Variants in SNX30 observed in about 807,000 individuals in gnomAD.
The protein encoded by SNX30 is sorting nexin family member 30, also known as sorting nexin-30.
A neutral mutation model predicts 46.4 loss-of-function variants in SNX30; 24 were observed. The ratio of observed to expected loss-of-function variants is 0.52; its 90% confidence interval spans 0.37 to 0.73. The LOEUF is 0.73. Among genes scored for constraint, SNX30 ranks in the 30% least tolerant of loss-of-function variants. SNX30 has a pLI of 0.00. For synonymous variants in SNX30, 189 were observed against 211.5 expected (o/e 0.89, Z 0.92); for missense variants, 533 against 555.7 (o/e 0.96, Z 0.41).
intron 1 of SNX30, among the ~76,000 whole-genome samples, chr9:112,752,325 G>C (rs1438658116): frequency 6.6e-6 from 1 of 152,170 alleles, no homozygotes; most frequent in Non-Finnish European, 1.5e-5. Context: ...AATTAAAAAA[G>C]CTAATGGAGG....
chr9:112,795,253 A>G (rs1840088666), intron 1 of SNX30, among the ~76,000 whole-genome samples: 1 of 152,174 alleles, frequency 6.6e-6, no homozygotes, highest in Non-Finnish European at 1.5e-5. Context: ...AACTGCTTCC[A>G]TATACTAACT....
chr9:112,790,032 G>A (rs987106967), intron 1 of SNX30, among the ~76,000 whole-genome samples: 1 of 152,096 alleles, frequency 6.6e-6, no homozygotes, highest in African/African-American at 2.4e-5. Flanking sequence ...ATAGGCTATG[G>A]GCCTTGGGAA....
At chr9:112,780,419 A>T (rs920661412) in intron 1 of SNX30, among the ~76,000 whole-genome samples, 36 of 152,250 alleles carry the variant, frequency 2.4e-4, no homozygotes, top group Admixed American at 2.6e-4. Context: ...AGAGAGAAAG[A>T]AAGTTGTAAT....
Position 112,836,425 on chromosome 9 carries a change from A to G in SNX30, c.814+16A>G. 6.3e-7 allele frequency: 1 copy of G among 1,581,992 alleles called. No individual in the cohort carries two copies. Among genetic ancestry groups the G allele is most frequent in the Non-Finnish European group, 8.7e-7 (1 of 1,153,808 alleles). On this transcript the variant is annotated intron_variant, in intron 5 of 8. Coordinates refer to ENST00000374232, the MANE Select transcript of SNX30 (RefSeq NM_001012994.2). ...GAAGAAATAGGTGAGCTGTCTGTTGAGGTCTCGATTATGCCCTGCAGCCAC... is the reference window on the plus strand; with the variant it reads ...GAAGAAATAGGTGAGCTGTCTGTTGGGGTCTCGATTATGCCCTGCAGCCAC...
At chr9:112,815,806 A>G (rs765746531) in intron 2 of SNX30, among the ~76,000 whole-genome samples, 7 of 152,218 alleles carry the variant, frequency 4.6e-5, no homozygotes, top group Admixed American at 1.3e-4. Flanking sequence ...CATGGAGCCT[A>G]TCGGGGGGAG....
At chr9:112,786,263 G>A (rs777983698) in intron 1 of SNX30, among the ~76,000 whole-genome samples, 5 of 151,910 alleles carry the variant, frequency 3.3e-5, no homozygotes, top group East Asian at 1.9e-4. Context: ...GACTATAGCC[G>A]TGCACCATCA....
At chr9:112,796,430 C>T (rs575977994) in intron 1 of SNX30, among the ~76,000 whole-genome samples, 71 of 152,242 alleles carry the variant, frequency 4.7e-4, no homozygotes, top group Middle Eastern at 3.4e-3. Flanking sequence ...GTGTGGACGC[C>T]GTGTGTCCCG....
intron 7 of SNX30, among the ~76,000 whole-genome samples, chr9:112,862,031 C>G (rs1300145466): frequency 1.3e-5 from 2 of 152,240 alleles, no homozygotes; most frequent in Admixed American, 6.5e-5. Flanking sequence ...GAGACCCAAG[C>G]ACTTTTGTAT....
chr9:112,832,430 AAGAGAG>A (rs144673731), intron 4 of SNX30, among the ~76,000 whole-genome samples: 5,521 of 78,734 alleles, frequency 0.07, 160 homozygotes, highest in Non-Finnish European at 0.095. Flanking sequence ...ATAAGTAGGA[AAGAGAG>A]AGAGAGAGAG....
Position 112,822,727 on chromosome 9 carries a change from T to G in SNX30, c.459+4912T>G, listed in dbSNP as rs558586133. ...AGACCAAAAATATGACATGGAAAAT[T>G]CCAAAAATAAACAGTTCATAAGTTT... On this transcript the variant is annotated intron_variant, in intron 3 of 8. Transcript: ENST00000374232. Among the ~76,000 whole-genome samples the G allele has an allele frequency of 8.3e-4, 127 of 152,314 alleles. 3 individuals are homozygous for G. In the South Asian group the frequency reaches 0.025, roughly 31 times the overall value.
At position 112,772,609 on chromosome 9, in the gene SNX30, G is replaced by A. The variant is rs371067104; in HGVS notation, c.156+21452G>A. Among the ~76,000 whole-genome samples, 6 of 152,274 alleles carry A rather than the reference G, an allele frequency of 3.9e-5. No individual in the cohort carries two copies. In the East Asian group the frequency reaches 1.2e-3, roughly 29 times the overall value. Reference sequence around the variant, plus strand: ...GACTCTGAAGAACAAGGTAGCCACTGTATTTTGCTTTTCTCAAATCATTCA... The same window carrying A: ...GACTCTGAAGAACAAGGTAGCCACTATATTTTGCTTTTCTCAAATCATTCA... On this transcript the variant is annotated intron_variant, in intron 1 of 8. Coordinates refer to ENST00000374232, the MANE Select transcript of SNX30 (RefSeq NM_001012994.2).
chr9:112,763,736 C>T (rs1839482545), intron 1 of SNX30, among the ~76,000 whole-genome samples: 2 of 151,536 alleles, frequency 1.3e-5, no homozygotes, highest in Admixed American at 1.3e-4. Context: ...GTAATCCCAG[C>T]TACTTGGGAG....
rs1840807432 is a variant in SNX30, at chr9:112,838,660, T to A, written c.977T>A (p.Val326Glu). 2.5e-6 allele frequency: 4 copies of A among 1,614,150 alleles called. No homozygotes were observed. The African/African-American group carries it at 5.3e-5, about 22-fold the overall frequency. ...TDDMTEDFLP[V>E]LREYILYSDS... Reference sequence around the variant, plus strand: ...GACATGACAGAAGACTTCCTACCTGTGCTCAGGGAATATATTTTATACTCT... The same window carrying A: ...GACATGACAGAAGACTTCCTACCTGAGCTCAGGGAATATATTTTATACTCT... The change falls in exon 6 of 9, where the codon GTG becomes GAG. Residue 326 changes from valine (V) to glutamate (E), a missense_variant. Transcript: ENST00000374232.
intron 1 of SNX30, among the ~76,000 whole-genome samples, chr9:112,789,614 G>A (rs1839989513): frequency 6.6e-6 from 1 of 152,218 alleles, no homozygotes; most frequent in African/African-American, 2.4e-5. Flanking sequence ...CAGGAATTGT[G>A]TATGGTAAAT....
intron 1 of SNX30, among the ~76,000 whole-genome samples, chr9:112,771,251 A>G (rs1216405913): frequency 6.6e-6 from 1 of 152,210 alleles, no homozygotes; most frequent in Non-Finnish European, 1.5e-5. Context: ...TGGTGACTCA[A>G]TAAATGGACC....
At chr9:112,783,068 C>T (rs1371012080) in intron 1 of SNX30, among the ~76,000 whole-genome samples, 1 of 152,054 alleles carries the variant, frequency 6.6e-6, no homozygotes, top group Non-Finnish European at 1.5e-5. Flanking sequence ...TCAGGAGTTT[C>T]ATTGTTTTAA....
At chr9:112,852,144 G>A (rs777566255) in intron 7 of SNX30, among the ~76,000 whole-genome samples, 9 of 152,028 alleles carry the variant, frequency 5.9e-5, no homozygotes, top group Non-Finnish European at 8.8e-5. Flanking sequence ...TGGGGAGGTT[G>A]AGGTGGGAGG....
rs577485692 is a variant in SNX30, at chr9:112,855,104, G to A, written c.1101+4159G>A. Among the ~76,000 whole-genome samples the A allele has an allele frequency of 1.7e-4, 26 of 152,284 alleles. No individual in the cohort carries two copies. In the South Asian group the frequency reaches 4.6e-3, roughly 27 times the overall value. ...AGCCCTCCACACACCTGTCCTCCCCGACAGCCCATCAGGAGGTTTGGTGGA... is the reference window on the plus strand; with the variant it reads ...AGCCCTCCACACACCTGTCCTCCCCAACAGCCCATCAGGAGGTTTGGTGGA... On this transcript the variant is annotated intron_variant, in intron 7 of 8. Coordinates refer to ENST00000374232, the MANE Select transcript of SNX30 (RefSeq NM_001012994.2).
intron 1 of SNX30, among the ~76,000 whole-genome samples, chr9:112,757,646 C>T (rs551808311): frequency 2.6e-5 from 4 of 152,174 alleles, no homozygotes; most frequent in Non-Finnish European, 5.9e-5. Context: ...CTTTTCCCCG[C>T]GTATATCATT....
Sources: gnomAD v4.1 joint callset for allele counts (sites outside exome capture counted in the v4.1 genomes callset) on GRCh38, gnomAD v4.1.1 for gene constraint, MANE v1.5 for transcripts, NCBI Gene and HGNC (gene_info 2026-07-23, HGNC 2026-07-21) for gene names.